ANKFN1: variants seen among roughly 807,000 people sequenced by gnomAD.
ANKFN1 encodes the protein ankyrin repeat and fibronectin type III domain containing 1.
In ANKFN1, 74 loss-of-function variants were observed where a neutral mutation model predicts 108.7. The observed-to-expected ratio is 0.68, with a 90% CI of 0.56 to 0.83. The LOEUF is 0.83. ANKFN1 is among the 40% of genes least tolerant of loss of function. ANKFN1 has a pLI of 0.00. For missense variants in ANKFN1, 1,505 were observed against 1,382.3 expected, an observed-to-expected ratio of 1.09 and a Z score of -1.41; for synonymous variants, 547 against 516.2, an observed-to-expected ratio of 1.06 and a Z score of -0.81.
chr17:56,491,125 C>G (rs991313169), intron 18 of ANKFN1, among the ~76,000 whole-genome samples: 1 of 152,286 alleles, frequency 6.6e-6, no homozygotes, highest in South Asian at 2.1e-4. Context: ...CATCTAATTA[C>G]TACCTGTAAT....
chr17:56,453,962 G>A (rs73313446), intron 11 of ANKFN1, among the ~76,000 whole-genome samples: 10,113 of 152,044 alleles, frequency 0.067, 1,109 homozygotes, highest in African/African-American at 0.23. Context: ...TCACAGTGAT[G>A]TACTAAGGCA....
intron 4 of ANKFN1, among the ~76,000 whole-genome samples, chr17:56,076,279 A>G (rs976145648): frequency 4.6e-5 from 7 of 152,230 alleles, no homozygotes; most frequent in African/African-American, 7.2e-5. Context: ...AGGTGCTGCT[A>G]CTATACCAGA....
chr17:56,200,867 T>A (rs1913995321), intron 1 of ANKFN1, among the ~76,000 whole-genome samples: 1 of 152,152 alleles, frequency 6.6e-6, no homozygotes, highest in Non-Finnish European at 1.5e-5. Flanking sequence ...ATAGCTACAG[T>A]CTCATTTAAT....
chr17:56,201,885 A>G (rs1178782991), intron 1 of ANKFN1, among the ~76,000 whole-genome samples: 1 of 152,208 alleles, frequency 6.6e-6, no homozygotes, highest in Admixed American at 6.5e-5. Flanking sequence ...AATAGCAGAA[A>G]ACTACCACTA....
intron 4 of ANKFN1, among the ~76,000 whole-genome samples, chr17:56,117,769 G>T (rs1252992021): frequency 6.6e-6 from 1 of 152,076 alleles, no homozygotes; most frequent in East Asian, 1.9e-4. Flanking sequence ...CATTTAAAGT[G>T]TTCCATTCAA....
At position 56,325,110 on chromosome 17, in the gene ANKFN1, T is replaced by C. The variant is rs1284107166; in HGVS notation, c.54-1111T>C. Among the ~76,000 whole-genome samples, 3 of 152,328 alleles carry C rather than the reference T, an allele frequency of 2.0e-5. No homozygotes were observed. The East Asian group carries it at 5.8e-4, about 29-fold the overall frequency. ...GTCTCATTCAAAATTTGAGAGTTTATTTGGCTCCAGGTATAAATAACAGAC... is the reference window on the plus strand; with the variant it reads ...GTCTCATTCAAAATTTGAGAGTTTACTTGGCTCCAGGTATAAATAACAGAC... On this transcript the variant is annotated intron_variant, in intron 3 of 20. Coordinates refer to ENST00000682825, the MANE Select transcript of ANKFN1 (RefSeq NM_001370326.1).
intron 4 of ANKFN1, among the ~76,000 whole-genome samples, chr17:56,093,782 T>C (rs1315259804): frequency 6.6e-6 from 1 of 151,316 alleles, no homozygotes; most frequent in Non-Finnish European, 1.5e-5. Context: ...TTTTATGAGT[T>C]CCCTACCTTT....
intron 4 of ANKFN1, among the ~76,000 whole-genome samples, chr17:56,113,331 A>G (rs181525119): frequency 1.3e-5 from 2 of 152,348 alleles, no homozygotes; most frequent in African/African-American, 4.8e-5. Flanking sequence ...AACCCAAAAA[A>G]TGAAAGAAAA....
At chr17:56,282,292 T>G (rs199829738) in intron 3 of ANKFN1, among the ~76,000 whole-genome samples, 3 of 147,832 alleles carry the variant, frequency 2.0e-5, no homozygotes, top group South Asian at 2.1e-4. Context: ...GTGTGTGTGT[T>G]TGTGTGTGTG....
At chr17:56,353,220 C>T (rs1436187839) in intron 5 of ANKFN1, among the ~76,000 whole-genome samples, 1 of 150,962 alleles carries the variant, frequency 6.6e-6, no homozygotes, top group Non-Finnish European at 1.5e-5. Context: ...CTATTTTCTT[C>T]ATAGAACATC....
intron 2 of ANKFN1, among the ~76,000 whole-genome samples, chr17:56,226,969 T>C (rs1291476498): frequency 6.6e-6 from 1 of 152,120 alleles, no homozygotes; most frequent in Non-Finnish European, 1.5e-5. Flanking sequence ...TATTAAGAAA[T>C]GGTAGAGCTT....
chr17:56,349,244 A>G (rs1409359587), intron 4 of ANKFN1, among the ~76,000 whole-genome samples: 1 of 152,024 alleles, frequency 6.6e-6, no homozygotes, highest in Non-Finnish European at 1.5e-5. Flanking sequence ...CGGGCTGGGA[A>G]GAGGGAGAGC....
intron 1 of ANKFN1, among the ~76,000 whole-genome samples, chr17:56,183,846 C>T (rs956955199): frequency 5.9e-5 from 9 of 152,216 alleles, no homozygotes; most frequent in Non-Finnish European, 7.4e-5. Context: ...AACACTTCAG[C>T]GGATGAAGAA....
intron 1 of ANKFN1, among the ~76,000 whole-genome samples, chr17:56,154,603 C>G (rs1908914698): frequency 6.7e-6 from 1 of 149,904 alleles, no homozygotes; most frequent in Admixed American, 6.7e-5. Context: ...TGAGTTTAAA[C>G]TGGCTACTGC....
At chr17:56,151,436 G>C (rs1214466375), upstream of ANKFN1, among the ~76,000 whole-genome samples, 2 of 152,164 alleles carry the variant, frequency 1.3e-5, no homozygotes, top group African/African-American at 4.8e-5. Flanking sequence ...TTTTTTGGTA[G>C]TAGGTTTTGT....
chr17:56,368,437 G>A (rs764532332), intron 6 of ANKFN1, among the ~76,000 whole-genome samples: 17 of 151,324 alleles, frequency 1.1e-4, no homozygotes, highest in Admixed American at 2.0e-4. Context: ...CGGTCACCAC[G>A]CAAGGCTAAT....
chr17:56,147,867 T>C (rs1001095520), intron 4 of ANKFN1, among the ~76,000 whole-genome samples: 1 of 152,192 alleles, frequency 6.6e-6, no homozygotes, highest in African/African-American at 2.4e-5. Flanking sequence ...GATAAAAATC[T>C]CAACCTGTTA....
rs553829942 is a variant in ANKFN1 at position 56,354,705 on chromosome 17, C to T, written c.601+659C>T. On this transcript the variant is annotated intron_variant, in intron 6 of 20. Coordinates refer to ENST00000682825, the MANE Select transcript of ANKFN1 (RefSeq NM_001370326.1). ...CTCACAATCCCCACCCCTCAGTCTT[C>T]GGTAAACACTGTAATTTCTGCTTCT... 2.9e-4 allele frequency among the ~76,000 whole-genome samples: 44 copies of T among 152,226 alleles called. No individual in the cohort carries two copies. The East Asian group carries it at 4.4e-3, about 15-fold the overall frequency.
chr17:56,259,431 T>C (rs2043445474), intron 3 of ANKFN1, among the ~76,000 whole-genome samples: 1 of 152,202 alleles, frequency 6.6e-6, no homozygotes, highest in African/African-American at 2.4e-5. Context: ...TTTTGGTAAG[T>C]ACTACTAGGG....
Sources: gnomAD v4.1 joint callset for allele counts (sites outside exome capture counted in the v4.1 genomes callset) on GRCh38, gnomAD v4.1.1 for gene constraint, MANE v1.5 for transcripts, NCBI Gene and HGNC (gene_info 2026-07-23, HGNC 2026-07-21) for gene names.